PPP2R1B: variants seen among roughly 807,000 people sequenced by gnomAD.
The protein encoded by PPP2R1B is protein phosphatase 2 scaffold subunit Abeta, also known as serine/threonine-protein phosphatase 2A 65 kDa regulatory subunit A beta isoform.
Under a neutral mutation model 72.7 loss-of-function variants are expected in PPP2R1B, and 58 were observed. That is an observed-to-expected ratio of 0.80 (90% confidence interval 0.65 to 0.99). The LOEUF is 0.99. PPP2R1B is among the 50% of genes least tolerant of loss of function. PPP2R1B has a pLI of 0.00. For synonymous variants in PPP2R1B, 256 were observed against 264.6 expected, an observed-to-expected ratio of 0.97 and a Z score of 0.32; for missense variants, 695 against 733.6, an observed-to-expected ratio of 0.95 and a Z score of 0.61.
chr11:111,733,419 A>G (rs1395442347), downstream of PPP2R1B, among the ~76,000 whole-genome samples: 2 of 152,176 alleles, frequency 1.3e-5, no homozygotes, highest in African/African-American at 2.4e-5. Context: ...AAAAGCTCAG[A>G]AAATGTGGGC....
chr11:111,712,002 C>T, the PPP2R1B span, among the ~76,000 whole-genome samples: 6 of 152,248 alleles, frequency 3.9e-5, no homozygotes, highest in South Asian at 2.1e-4. Flanking sequence ...AAATTCTGTA[C>T]GACCTCTTTC....
chr11:111,744,451 A>G (rs1402199539), intron 11 of PPP2R1B, among the ~76,000 whole-genome samples: 1 of 152,210 alleles, frequency 6.6e-6, no homozygotes, highest in Admixed American at 6.5e-5. Context: ...AATTCCCTAT[A>G]TCCTTTGATC....
chr11:111,727,160 G>C, intron 15 of PPP2R1B: 1 of 917,230 alleles, frequency 1.1e-6, no homozygotes. Context: ...ACCTCTGCCT[G>C]CACTGCCTTC....
chr11:111,723,728 T>A, downstream of PPP2R1B: 1 of 1,614,130 alleles, frequency 6.2e-7, no homozygotes, highest in Non-Finnish European at 8.5e-7. Flanking sequence ...CCTCAGCCAG[T>A]ACCAAGAGAT....
In PPP2R1B at chr11:111,763,636, G is replaced by A. The variant is rs573523806; in HGVS notation, c.306+1169C>T. 2.6e-5 allele frequency among the ~76,000 whole-genome samples: 4 copies of A among 152,300 alleles called. No individual in the cohort carries two copies. In the South Asian group the frequency reaches 6.2e-4, roughly 24 times the overall value. On this transcript the variant is annotated intron_variant, in intron 3 of 14. Transcript: ENST00000527614. ...GAATTACTAATGGATTAGATGTGTG[G>A]AACAAGGCACAGAGGATTCAAGAAT...
chr11:111,758,217 A>G (rs372385606), intron 5 of PPP2R1B, among the ~76,000 whole-genome samples: 5 of 152,388 alleles, frequency 3.3e-5, no homozygotes, highest in Middle Eastern at 3.4e-3. Context: ...CATGGCCAGT[A>G]GAAAACTTAA....
the PPP2R1B span, among the ~76,000 whole-genome samples, chr11:111,700,040 G>T: frequency 1.3e-5 from 2 of 152,168 alleles, no homozygotes. Flanking sequence ...AAGATAATAG[G>T]TATTTGTTTC....
chr11:111,692,473 C>CTGAG, the PPP2R1B span, among the ~76,000 whole-genome samples: 151 of 146,618 alleles, frequency 1.0e-3, no homozygotes, highest in African/African-American at 3.6e-3. Context: ...CATGCAAAGG[C>CTGAG]TGAGAGGCCA....
At chr11:111,764,781 G>A (rs1555052463) in intron 3 of PPP2R1B, 24 bp downstream of exon 3, 1 of 1,609,706 alleles carries the variant, frequency 6.2e-7, no homozygotes, top group African/African-American at 1.3e-5. Context: ...GTAGAAGGAG[G>A]GTAGGCAGCT....
At chr11:111,734,328 T>A (rs1378594156), downstream of PPP2R1B, among the ~76,000 whole-genome samples, 3 of 152,204 alleles carry the variant, frequency 2.0e-5, no homozygotes, top group Non-Finnish European at 4.4e-5. Flanking sequence ...GCCCCAGGAT[T>A]TCTGAATTTT....
At chr11:111,695,357 T>A in the PPP2R1B span, among the ~76,000 whole-genome samples, 1 of 152,174 alleles carries the variant, frequency 6.6e-6, no homozygotes, top group African/African-American at 2.4e-5. Flanking sequence ...TTCCTAGAAA[T>A]CATTTACTTT....
rs919967634 is a variant in PPP2R1B at position 111,738,550 on chromosome 11, A to G, written c.*3046T>C. 3.0e-6 allele frequency: 3 copies of G among 985,350 alleles called. No homozygotes were observed. The African/African-American group carries it at 5.2e-5, about 17-fold the overall frequency. 61.0% of individuals were successfully genotyped at this position (985,350 alleles called of 1,614,324 possible). A position where few individuals can be genotyped will look rare whatever the true frequency, so the allele number is the denominator to read the frequency against. On this transcript the variant is annotated 3_prime_UTR_variant, in exon 15 of 15. Coordinates refer to ENST00000527614, the MANE Select transcript of PPP2R1B (RefSeq NM_002716.5). ...CTGAATGCCTGGACAAGCCAGCTCA[A>G]AGGTCAGGCTGCCGTCTCTGTTGAG...
chr11:111,724,066 C>G, downstream of PPP2R1B: 2 of 1,613,992 alleles, frequency 1.2e-6, no homozygotes, highest in East Asian at 2.2e-5. Flanking sequence ...TACCTGGACT[C>G]TTTGATTGTG....
chr11:111,706,955 G>A, the PPP2R1B span, among the ~76,000 whole-genome samples: 6 of 128,948 alleles, frequency 4.7e-5, no homozygotes, highest in South Asian at 2.5e-4. Flanking sequence ...GCAGGACTCC[G>A]TCTCAAAAAA....
intron 12 of PPP2R1B, among the ~76,000 whole-genome samples, chr11:111,742,903 G>A (rs1422803474): frequency 1.3e-5 from 2 of 150,062 alleles, no homozygotes; most frequent in Middle Eastern, 3.4e-3. Flanking sequence ...TTTTTCAGGC[G>A]GAGTTTTGCC....
intron 13 of PPP2R1B, 170 bp from the exon 14 acceptor site, chr11:111,742,314 C>A (rs1196194422): frequency 2.9e-6 from 2 of 682,126 alleles, no homozygotes; most frequent in Admixed American, 3.5e-5. Flanking sequence ...GCAAAATCAG[C>A]TTCAGACAAG....
downstream of PPP2R1B, chr11:111,722,625 A>G (rs773491082): frequency 1.6e-5 from 26 of 1,586,092 alleles, no homozygotes; most frequent in African/African-American, 1.3e-5. This position sits in a 1 kb window ranked among gnomAD's most constrained non-coding sequence, Gnocchi z 4.4. Context: ...CCTAGGTGAC[A>G]GCACATTGTC....
At position 111,743,352 on chromosome 11, in the gene PPP2R1B, C is replaced by A; in HGVS notation, c.1554+24G>T. 2.5e-6 allele frequency: 4 copies of A among 1,579,780 alleles called. No individual in the cohort carries two copies. In the African/African-American group the frequency reaches 4.1e-5, roughly 16 times the overall value. On this transcript the variant is annotated intron_variant, in intron 12 of 14. Coordinates refer to ENST00000527614, the MANE Select transcript of PPP2R1B (RefSeq NM_002716.5). ...ATTTTGCTTTAATGATTAAGCTTAG[C>A]AATAACAGTTATGTTATACTTACAT...
At chr11:111,753,673 C>A (rs1293371194) in intron 8 of PPP2R1B, 96 bp from the exon 9 acceptor site, 8 of 1,363,790 alleles carry the variant, frequency 5.9e-6, no homozygotes, top group Non-Finnish European at 7.9e-6. Context: ...GTTGCCCAGG[C>A]TGGAGTGCAG....
Sources: allele counts gnomAD v4.1 joint callset (sites outside exome capture counted in the v4.1 genomes callset), GRCh38; gene constraint gnomAD v4.1.1; non-coding constraint Gnocchi (gnomAD v3.1); transcripts MANE v1.5; gene names NCBI Gene and HGNC (gene_info 2026-07-23, HGNC 2026-07-21).